Variants in MAGI1 observed in about 807,000 individuals in gnomAD.
MAGI1 encodes membrane associated guanylate kinase, WW and PDZ domain containing 1.
MAGI1 carries 58 observed loss-of-function variants against 139.9 expected under a neutral mutation model. The observed-to-expected ratio is 0.41, with a 90% confidence interval of 0.34 to 0.52. The LOEUF is 0.52. MAGI1 is among the 20% of genes least tolerant of loss of function. The pLI, the probability that MAGI1 is intolerant of heterozygous loss-of-function variation, is 0.12. For missense variants in MAGI1, 1,874 were observed against 1,901.6 expected (o/e 0.99, Z 0.27); for synonymous variants, 812 against 737.9 (o/e 1.10, Z -1.63).
At chr3:65,749,968 G>A (rs1237592982) in intron 1 of MAGI1, among the ~76,000 whole-genome samples, 1 of 152,054 alleles carries the variant, frequency 6.6e-6, no homozygotes, top group Non-Finnish European at 1.5e-5. Flanking sequence ...TCAAAATGAT[G>A]GTGCAATGAG....
chr3:65,809,165 G>A (rs931851623), intron 1 of MAGI1, among the ~76,000 whole-genome samples: 9 of 152,280 alleles, frequency 5.9e-5, no homozygotes, highest in African/African-American at 1.4e-4. Flanking sequence ...GCAGAGCAGC[G>A]TAAAAAGGTT....
At chr3:65,357,264 C>CAACT in intron 22 of MAGI1, 132 bp from the exon 23 acceptor site, 5 of 893,694 alleles carry the variant, frequency 5.6e-6, no homozygotes, top group Non-Finnish European at 8.3e-6. Context: ...GACTCAAAGC[C>CAACT]AACTGAATCT....
intron 1 of MAGI1, chr3:65,688,362 G>A: frequency 1.6e-6 from 1 of 634,760 alleles, no homozygotes. Flanking sequence ...AACACCTTCA[G>A]AAAAGGCTTA....
chr3:66,020,644 T>A (rs1351758603), intron 1 of MAGI1, among the ~76,000 whole-genome samples: 2 of 152,214 alleles, frequency 1.3e-5, no homozygotes, highest in Non-Finnish European at 2.9e-5. Flanking sequence ...CTAAGTTATA[T>A]GCATCAGTTC....
chr3:65,555,617 G>T (rs2080048197), intron 2 of MAGI1, among the ~76,000 whole-genome samples: 1 of 152,176 alleles, frequency 6.6e-6, no homozygotes. Flanking sequence ...TCAGCAATTT[G>T]CAAGGCCAAG....
At chr3:65,988,328 T>C (rs2065988807) in intron 1 of MAGI1, among the ~76,000 whole-genome samples, 2 of 152,192 alleles carry the variant, frequency 1.3e-5, no homozygotes, top group African/African-American at 2.4e-5. Context: ...AACTGTGCTG[T>C]TGACAATGTT....
At chr3:65,383,868 C>G (rs1437591009) in intron 14 of MAGI1, among the ~76,000 whole-genome samples, 1 of 152,182 alleles carries the variant, frequency 6.6e-6, no homozygotes. Context: ...AATTCCGAAT[C>G]AAGCCCAAGC....
In MAGI1 at chr3:65,514,870, T is replaced by C. The variant is rs1247108489; in HGVS notation, c.431-21239A>G. ...AAGACACATGCACACGTATGTTTAT[T>C]GCGGCATTATTCACAATAGCAAAGA... On this transcript the variant is annotated intron_variant, in intron 2 of 22. Coordinates refer to ENST00000402939, the MANE Select transcript of MAGI1 (RefSeq NM_001033057.2). Among the ~76,000 whole-genome samples the C allele has an allele frequency of 2.0e-5, 3 of 147,602 alleles. No homozygotes were observed. The East Asian group carries it at 6.0e-4, about 30-fold the overall frequency.
At chr3:65,674,867 G>A (rs1460275457) in intron 1 of MAGI1, among the ~76,000 whole-genome samples, 1 of 152,164 alleles carries the variant, frequency 6.6e-6, no homozygotes, top group Non-Finnish European at 1.5e-5. Flanking sequence ...CATCACTGCA[G>A]CCCAACAGAT....
intron 3 of MAGI1, among the ~76,000 whole-genome samples, chr3:65,479,200 G>A (rs576485781): frequency 6.6e-6 from 1 of 152,278 alleles, no homozygotes; most frequent in East Asian, 1.9e-4. Flanking sequence ...CATCCTTACA[G>A]GCCTAAAAAG....
intron 3 of MAGI1, among the ~76,000 whole-genome samples, chr3:65,493,175 C>A (rs1216947043): frequency 6.6e-6 from 1 of 150,584 alleles, no homozygotes; most frequent in African/African-American, 2.4e-5. Flanking sequence ...AAGATTAAAA[C>A]AACACTACTT....
In MAGI1 at chr3:65,890,343, C is replaced by T. The variant is rs545716697; in HGVS notation, c.313+147653G>A. On this transcript the variant is annotated intron_variant, in intron 1 of 22. Coordinates refer to ENST00000402939, the MANE Select transcript of MAGI1 (RefSeq NM_001033057.2). Reference sequence around the variant, plus strand: ...TAGCGCCACTGCACTTCAGCCTGGGCGACAGAGCGAGACTCCGTCTCAAAA... The same window carrying T: ...TAGCGCCACTGCACTTCAGCCTGGGTGACAGAGCGAGACTCCGTCTCAAAA... 7.9e-5 allele frequency among the ~76,000 whole-genome samples: 12 copies of T among 152,170 alleles called. No individual in the cohort carries two copies. The South Asian group carries it at 1.7e-3, about 21-fold the overall frequency.
At chr3:65,756,245 T>C (rs953822973) in intron 1 of MAGI1, among the ~76,000 whole-genome samples, 10 of 152,246 alleles carry the variant, frequency 6.6e-5, no homozygotes, top group African/African-American at 2.4e-4. Flanking sequence ...TAAACTCTTC[T>C]AAAGATGGCC....
At chr3:65,807,640 AC>A (rs2040946238) in intron 1 of MAGI1, among the ~76,000 whole-genome samples, 1 of 152,182 alleles carries the variant, frequency 6.6e-6, no homozygotes, top group Non-Finnish European at 1.5e-5. Context: ...TGCTCTGGGA[AC>A]CCAGCAACCG....
At chr3:65,579,013 C>T (rs1054890408) in intron 2 of MAGI1, among the ~76,000 whole-genome samples, 7 of 150,106 alleles carry the variant, frequency 4.7e-5, no homozygotes, top group South Asian at 2.1e-4. Context: ...CATTTTTTTG[C>T]GGGGGAGGGG....
chr3:65,697,828 CCTCT>C (rs1447361843), intron 1 of MAGI1, among the ~76,000 whole-genome samples: 1 of 83,312 alleles, frequency 1.2e-5, no homozygotes, highest in Non-Finnish European at 2.3e-5. Context: ...ACAGGGATGC[CCTCT>C]CTCACCACTC....
At chr3:65,395,209 T>C (rs1944284310) in intron 13 of MAGI1, among the ~76,000 whole-genome samples, 1 of 152,170 alleles carries the variant, frequency 6.6e-6, no homozygotes, top group African/African-American at 2.4e-5. Context: ...TCTTGAAATT[T>C]ATCCCTGGGA....
chr3:65,518,801 G>A (rs561358828), intron 2 of MAGI1, among the ~76,000 whole-genome samples: 5 of 152,124 alleles, frequency 3.3e-5, no homozygotes, highest in African/African-American at 4.8e-5. Context: ...CCGAGTTTAC[G>A]TCTCCATGGA....
chr3:66,003,056 T>C (rs748963422), intron 1 of MAGI1, among the ~76,000 whole-genome samples: 5 of 151,980 alleles, frequency 3.3e-5, no homozygotes, highest in Non-Finnish European at 7.4e-5. Context: ...TAGGCAAAAC[T>C]TCCCTTTGAA....
Sources: gnomAD v4.1 joint callset for allele counts (sites outside exome capture counted in the v4.1 genomes callset) on GRCh38, gnomAD v4.1.1 for gene constraint, MANE v1.5 for transcripts, NCBI Gene and HGNC (gene_info 2026-07-23, HGNC 2026-07-21) for gene names.